The following CLOCK variants were observed in gnomAD, a reference collection of about 807,000 sequenced individuals.
CLOCK encodes clock circadian regulator, also known as circadian locomoter output cycles protein kaput.
In CLOCK, 43 loss-of-function variants were observed where a neutral mutation model predicts 118.4. That is an observed-to-expected ratio of 0.36 (90% CI 0.28 to 0.47). The LOEUF (loss-of-function observed/expected upper bound fraction) is 0.47, where lower values mean the gene tolerates loss of function less well. Ranked by LOEUF, CLOCK falls within the 20% of genes least tolerant of loss-of-function variation. The pLI, the probability that CLOCK is intolerant of heterozygous loss-of-function variation, is 1.00. For missense variants in CLOCK, 846 were observed against 999.9 expected (o/e 0.85, Z 2.08); for synonymous variants, 326 against 339.2 (o/e 0.96, Z 0.43).
intron 18 of CLOCK, among the ~76,000 whole-genome samples, chr4:55,445,829 C>T (rs781207291): frequency 6.6e-6 from 1 of 151,868 alleles, no homozygotes; most frequent in Non-Finnish European, 1.5e-5. Context: ...CTCATTGGCT[C>T]AAGAAGTCCT....
chr4:55,507,759 A>G (rs2110014766), intron 2 of CLOCK, among the ~76,000 whole-genome samples: 1 of 152,358 alleles, frequency 6.6e-6, no homozygotes, highest in Admixed American at 6.5e-5. Flanking sequence ...GCATAGACAT[A>G]ACAGTTATTG....
chr4:55,524,880 CAG>C (rs1196076456), intron 1 of CLOCK, among the ~76,000 whole-genome samples: 1 of 151,932 alleles, frequency 6.6e-6, no homozygotes, highest in Admixed American at 6.6e-5. Flanking sequence ...ATGATATCTC[CAG>C]ACTTATAACT....
chr4:55,452,295 G>A (rs6849474), intron 15 of CLOCK: 46,117 of 151,990 alleles, frequency 0.3, 7,616 homozygotes, highest in East Asian at 0.58. Flanking sequence ...AGGTCACCTG[G>A]AAAGGAACTG....
chr4:55,542,115 C>G lies in CLOCK; in HGVS notation c.-290+4667G>C, dbSNP rs148126151. Among the ~76,000 whole-genome samples, 434 of 151,712 alleles carry G rather than the reference C, an allele frequency of 2.9e-3. 18 individuals carry two copies. The East Asian group carries it at 0.079, about 28-fold the overall frequency. Reference sequence around the variant, plus strand: ...CAGCACTTTGGGAGGCCGAGGTGGGCGGATCACCTGAGGTCAGCAGTTTGA... The same window carrying G: ...CAGCACTTTGGGAGGCCGAGGTGGGGGGATCACCTGAGGTCAGCAGTTTGA... On this transcript the variant is annotated intron_variant, in intron 1 of 22. Coordinates refer to ENST00000513440, the MANE Select transcript of CLOCK (RefSeq NM_004898.4).
intron 3 of CLOCK, among the ~76,000 whole-genome samples, chr4:55,484,884 A>G (rs555785659): frequency 1.3e-5 from 2 of 152,302 alleles, no homozygotes. Context: ...ATGCTTTATT[A>G]GGCTGTTTTA....
chr4:55,478,754 C>T (rs910439706), intron 6 of CLOCK, 61 bp downstream of exon 6: 35 of 1,531,414 alleles, frequency 2.3e-5, no homozygotes, highest in Non-Finnish European at 3.1e-5. Flanking sequence ...TTAAGCATCT[C>T]TGCCAAGATT....
In CLOCK at chr4:55,458,624, T is replaced by C. The variant is rs965610949; in HGVS notation, c.792+268A>G. Among the ~76,000 whole-genome samples the C allele has an allele frequency of 2.0e-5, 3 of 152,250 alleles. No individual in the cohort carries two copies. The East Asian group carries it at 5.8e-4, about 29-fold the overall frequency. Reference sequence around the variant, plus strand: ...TTTGGACTTTCCCTTTTAATAGAGATAATGAACAACACACAAAAGGATCCT... The same window carrying C: ...TTTGGACTTTCCCTTTTAATAGAGACAATGAACAACACACAAAAGGATCCT... On this transcript the variant is annotated intron_variant, in intron 11 of 22. Transcript: ENST00000513440.
Position 55,478,828 on chromosome 4 carries a change from T to TA in CLOCK, c.242dup (p.Leu81PhefsTer5). On this transcript the variant is annotated frameshift_variant, in exon 6 of 23. Transcript: ENST00000513440. LOFTEE classifies it high-confidence loss of function. ...TTAAAAATTTACCTTTATGTTTTCG[T>TA]AAAAAATCAATGCTTTTCTGCAGAA... 1 of 1,612,778 alleles carries TA rather than the reference T, an allele frequency of 6.2e-7. No individual in the cohort carries two copies. Among genetic ancestry groups the TA allele is most frequent in the Non-Finnish European group, 8.5e-7 (1 of 1,179,330 alleles).
chr4:55,445,263 T>C lies in CLOCK; in HGVS notation c.1540-478A>G, dbSNP rs1723713490. ...TTGGATGGGAAGGACATTTCTCACT[T>C]TTACATACACCTGCCCCGGCAGGTG... On this transcript the variant is annotated intron_variant, in intron 18 of 22. Transcript: ENST00000513440. 1.3e-5 allele frequency among the ~76,000 whole-genome samples: 2 copies of C among 151,524 alleles called. 1 individual carries two copies. The highest frequency in any genetic ancestry group is 2.9e-5 in the Non-Finnish European group (2 of 67,860).
At position 55,495,620 on chromosome 4, in the gene CLOCK, G is replaced by A. The variant is rs966870062; in HGVS notation, c.-135-6155C>T. Among the ~76,000 whole-genome samples, 10 of 152,022 alleles carry A rather than the reference G, an allele frequency of 6.6e-5. No homozygotes were observed. The South Asian group carries it at 1.9e-3, about 29-fold the overall frequency. On this transcript the variant is annotated intron_variant, in intron 2 of 22. Transcript: ENST00000513440. Reference sequence around the variant, plus strand: ...GGATAAGCCCCTTCACTCCACGAAGGGTGTGACCCTCTCCAATACCTCTTT... The same window carrying A: ...GGATAAGCCCCTTCACTCCACGAAGAGTGTGACCCTCTCCAATACCTCTTT...
At position 55,478,918 on chromosome 4, in the gene CLOCK, A is replaced by T. The variant is rs1213509252; in HGVS notation, c.153T>A (p.Asn51Lys). Reference sequence around the variant, plus strand: ...TGGATCCCAGTTCTTTAATGAGAACATTAAATTGATCTCTACGTTTCTTTT... The same window carrying T: ...TGGATCCCAGTTCTTTAATGAGAACTTTAAATTGATCTCTACGTTTCTTTT... ...KSEKKRRDQF[N>K]VLIKELGSML... The change falls in exon 6 of 23, where the codon AAT (asparagine) becomes AAA (lysine). Residue 51 changes from asparagine (N) to lysine (K), a missense_variant. Around this residue, in one of 4 missense-constraint regions of CLOCK, gnomAD observed 246 missense variants for 300.2 expected, o/e 0.82. Coordinates refer to ENST00000513440, the MANE Select transcript of CLOCK (RefSeq NM_004898.4). 1.2e-6 allele frequency: 2 copies of T among 1,606,466 alleles called. No individual in the cohort carries two copies. The highest frequency in any genetic ancestry group is 1.7e-6 in the Non-Finnish European group (2 of 1,175,046).
At chr4:55,437,127 A>G (rs1722944395) in intron 22 of CLOCK, among the ~76,000 whole-genome samples, 1 of 152,176 alleles carries the variant, frequency 6.6e-6, no homozygotes, top group Admixed American at 6.5e-5. Flanking sequence ...TTAAGGTCTA[A>G]AAGACTGTAT....
Position 55,437,375 on chromosome 4 carries a change from A to G in CLOCK, c.2361+907T>C, listed in dbSNP as rs79797549. Among the ~76,000 whole-genome samples, 1,162 of 152,306 alleles carry G rather than the reference A, an allele frequency of 7.6e-3. 17 individuals are homozygous for G. The highest frequency in any genetic ancestry group is 0.027 in the African/African-American group (1,109 of 41,560). ...GCCTACATTCAAAATTGCTCCAGCTAGGCCAGAAGGGGAAAAGGTAGATTT... is the reference window on the plus strand; with the variant it reads ...GCCTACATTCAAAATTGCTCCAGCTGGGCCAGAAGGGGAAAAGGTAGATTT... On this transcript the variant is annotated intron_variant, in intron 22 of 22. Transcript: ENST00000513440.
At chr4:55,490,346 C>T (rs1727587059) in intron 2 of CLOCK, among the ~76,000 whole-genome samples, 1 of 151,870 alleles carries the variant, frequency 6.6e-6, no homozygotes, top group African/African-American at 2.4e-5. Flanking sequence ...ATACACCCAA[C>T]ATCAGAGGAC....
At chr4:55,443,967 C>A in intron 19 of CLOCK, 71 bp from the exon 20 acceptor site, 1 of 1,350,860 alleles carries the variant, frequency 7.4e-7, no homozygotes, top group Admixed American at 1.9e-5. Context: ...AAAAAGAAGG[C>A]AAAATCAAGC....
At chr4:55,528,468 G>A (rs1577860373) in intron 1 of CLOCK, among the ~76,000 whole-genome samples, 2 of 151,968 alleles carry the variant, frequency 1.3e-5, no homozygotes, top group African/African-American at 4.8e-5. Context: ...AGATGATGAT[G>A]GTGATAAACA....
At chr4:55,449,624 T>C in intron 16 of CLOCK, 128 bp from the exon 17 acceptor site, 1 of 778,482 alleles carries the variant, frequency 1.3e-6, no homozygotes, top group Non-Finnish European at 2.2e-6. Flanking sequence ...TCAATGAAAG[T>C]GAAGTCCATG....
chr4:55,456,033 T>C, intron 12 of CLOCK, 30 bp from the exon 13 acceptor site: 2 of 1,527,672 alleles, frequency 1.3e-6, no homozygotes, highest in Non-Finnish European at 1.8e-6. Flanking sequence ...ATCATTATTA[T>C]AAGTTTTTCC....
chr4:55,520,675 A>C (rs1373148958), intron 1 of CLOCK, among the ~76,000 whole-genome samples: 1 of 152,188 alleles, frequency 6.6e-6, no homozygotes, highest in African/African-American at 2.4e-5. Flanking sequence ...AAGTGAGGTA[A>C]TGTTAAACTC....
Sources: allele counts gnomAD v4.1 joint callset (sites outside exome capture counted in the v4.1 genomes callset), GRCh38; gene constraint gnomAD v4.1.1; regional missense constraint gnomAD v4.1.1; transcripts MANE v1.5; gene names NCBI Gene and HGNC (gene_info 2026-07-23, HGNC 2026-07-21).